The following MAML1 variants were observed in gnomAD, a reference collection of about 807,000 sequenced individuals.
MAML1 encodes the protein mastermind-like protein 1.
MAML1 carries 14 observed loss-of-function variants against 77.1 expected under a neutral mutation model. The observed-to-expected ratio is 0.18, with a 90% CI of 0.12 to 0.28. The LOEUF (loss-of-function observed/expected upper bound fraction) is 0.28. Among genes scored for constraint, MAML1 ranks in the 10% least tolerant of loss-of-function variants. The probability of loss-of-function intolerance (pLI) is 1.00; values close to 1 mark genes in which losing one functional copy is unlikely to be tolerated. For missense variants in MAML1, 1,217 were observed against 1,327.8 expected (o/e 0.92, Z 1.30); for synonymous variants, 516 against 551.9 (o/e 0.93, Z 0.91).
chr5:179,772,719 G>A (rs973358239), intron 4 of MAML1, among the ~76,000 whole-genome samples: 2 of 152,040 alleles, frequency 1.3e-5, no homozygotes, highest in African/African-American at 4.8e-5. Flanking sequence ...TAGTATAAAT[G>A]GTGTGCCATA....
At chr5:179,740,254 A>G (rs72809783) in intron 1 of MAML1, among the ~76,000 whole-genome samples, 3,597 of 152,228 alleles carry the variant, frequency 0.024, 75 homozygotes, top group Non-Finnish European at 0.037. Context: ...AGGAAGCAGT[A>G]GCAGGATAGG....
Position 179,775,277 on chromosome 5 carries a change from T to C in MAML1, c.*400T>C. On this transcript the variant is annotated 3_prime_UTR_variant, in exon 5 of 5. Transcript: ENST00000292599. Reference sequence around the variant, plus strand: ...TACCCCAGTGCTGGGGACAAGTTTCTGTTGAAACTTTAGATAGCAGAATTA... The same window carrying C: ...TACCCCAGTGCTGGGGACAAGTTTCCGTTGAAACTTTAGATAGCAGAATTA... The C allele has an allele frequency of 1.0e-6, 1 of 1,000,164 alleles. No individual in the cohort carries two copies. The highest frequency in any genetic ancestry group is 1.2e-6 in the Non-Finnish European group (1 of 840,180). 62.0% of individuals were successfully genotyped at this position (1,000,164 alleles called of 1,614,324 possible).
chr5:179,751,998 T>G (rs999012532), intron 1 of MAML1, among the ~76,000 whole-genome samples: 14 of 147,864 alleles, frequency 9.5e-5, no homozygotes, highest in Non-Finnish European at 1.3e-4. Context: ...AGTGAGACCT[T>G]GTCTCAAAGA....
rs1192714420 is a variant in MAML1 at position 179,769,986 on chromosome 5, C to A, written c.1971+897C>A. 1.3e-5 allele frequency among the ~76,000 whole-genome samples: 2 copies of A among 152,336 alleles called. No individual in the cohort carries two copies. The highest frequency in any genetic ancestry group is 6.5e-5 in the Admixed American group (1 of 15,300). On this transcript the variant is annotated intron_variant, in intron 3 of 4. Coordinates refer to ENST00000292599, the MANE Select transcript of MAML1 (RefSeq NM_014757.5). This position sits in a 1 kb window ranked among gnomAD's most constrained non-coding sequence, Gnocchi z 4.2. Reference sequence around the variant, plus strand: ...ACTCACACAGCATACACTTCACCCACGTAAGTGAACAATTTAGTCATTTTT... The same window carrying A: ...ACTCACACAGCATACACTTCACCCAAGTAAGTGAACAATTTAGTCATTTTT...
In MAML1 at chr5:179,766,086, C is replaced by G. The variant is rs866033737; in HGVS notation, c.1076C>G (p.Pro359Arg). 1.3e-6 allele frequency: 2 copies of G among 1,584,010 alleles called. No individual in the cohort carries two copies. The highest frequency in any genetic ancestry group is 3.6e-5 in the Admixed American group (2 of 55,004). Residue 359 changes from proline (P) to arginine (R), a missense_variant, in exon 2 of 5, where the codon CCC becomes CGC. Transcript: ENST00000292599. This position sits in a 1 kb window ranked among gnomAD's most constrained non-coding sequence, Gnocchi z 4.0. ...HTSGQPRADN[P>R]SPNLMPASAQ... ...TCTGGTCAGCCCCGGGCGGACAATCCCAGTCCAAACCTGATGCCGGCATCA... is the reference window on the plus strand; with the variant it reads ...TCTGGTCAGCCCCGGGCGGACAATCGCAGTCCAAACCTGATGCCGGCATCA...
intron 1 of MAML1, among the ~76,000 whole-genome samples, chr5:179,754,970 C>T (rs1779582511): frequency 1.3e-5 from 2 of 152,152 alleles, no homozygotes; most frequent in South Asian, 2.1e-4. Flanking sequence ...AGAAGTGCTT[C>T]CCTCTTACAG....
rs762334600 is a variant in MAML1 at position 179,766,213 on chromosome 5, G to A, written c.1203G>A (p.Gln401=). Residue 401 remains glutamine (Q), a synonymous_variant, in exon 2 of 5, where the codon CAG becomes CAA. Transcript: ENST00000292599. This position sits in a 1 kb window ranked among gnomAD's most constrained non-coding sequence, Gnocchi z 4.0. ...SELSSAHQLQ[Q]IAAKQKREQM... ...TGTCCTCTGCCCACCAGCTCCAGCA[G>A]ATCGCTGCCAAGCAGAAGCGCGAGC... 1 of 1,612,698 alleles carries A rather than the reference G, an allele frequency of 6.2e-7. No homozygotes were observed.
Position 179,766,798 on chromosome 5 carries a change from T to C in MAML1, c.1731+57T>C. 7.1e-7 allele frequency: 1 copy of C among 1,402,028 alleles called. No homozygotes were observed. Among genetic ancestry groups the C allele is most frequent in the Non-Finnish European group, 9.6e-7 (1 of 1,045,176 alleles). 86.8% of individuals were successfully genotyped at this position (1,402,028 alleles called of 1,614,324 possible). On this transcript the variant is annotated intron_variant, in intron 2 of 4. Coordinates refer to ENST00000292599, the MANE Select transcript of MAML1 (RefSeq NM_014757.5). This position sits in a 1 kb window ranked among gnomAD's most constrained non-coding sequence, Gnocchi z 4.0. Reference sequence around the variant, plus strand: ...GCTGCAGACACTTCAGTGAGGTTACTCACTACTTTGGATGTTAATTGGATC... The same window carrying C: ...GCTGCAGACACTTCAGTGAGGTTACCCACTACTTTGGATGTTAATTGGATC...
At chr5:179,749,317 G>GA (rs1350076246) in intron 1 of MAML1, among the ~76,000 whole-genome samples, 3 of 152,178 alleles carry the variant, frequency 2.0e-5, no homozygotes, top group Non-Finnish European at 4.4e-5. Flanking sequence ...GTAGAGACAG[G>GA]ATTTCTCCAC....
At chr5:179,760,451 G>A (rs534089072) in intron 1 of MAML1, among the ~76,000 whole-genome samples, 1 of 152,314 alleles carries the variant, frequency 6.6e-6, no homozygotes, top group Non-Finnish European at 1.5e-5. Flanking sequence ...GCAGCACTGA[G>A]CAGGCACATT....
chr5:179,733,476 C>G (rs1779109699), intron 1 of MAML1, 49 bp downstream of exon 1: 1 of 1,082,266 alleles, frequency 9.2e-7, no homozygotes, highest in African/African-American at 1.7e-5. Context: ...CCCCCTCTCC[C>G]GAAAACGCTT....
chr5:179,766,487 C>G lies in MAML1; in HGVS notation c.1477C>G (p.Gln493Glu). 2.5e-6 allele frequency: 4 copies of G among 1,608,032 alleles called. No homozygotes were observed. The highest frequency in any genetic ancestry group is 2.5e-6 in the Non-Finnish European group (3 of 1,177,274). Residue 493 changes from glutamine to glutamate, a missense_variant, in exon 2 of 5, where the codon CAG (glutamine) becomes GAG (glutamate). Transcript: ENST00000292599. This position sits in a 1 kb window ranked among gnomAD's most constrained non-coding sequence, Gnocchi z 4.0. ...CAGCCATGTGAACCTGCTGAGTCAC[C>G]AGCCACCGAGTAACTTGAATCAGAA... ...QPSHVNLLSH[Q>E]PPSNLNQNSA...
intron 4 of MAML1, chr5:179,773,642 T>A (rs1756056322): frequency 1.4e-6 from 1 of 707,478 alleles, no homozygotes; most frequent in Non-Finnish European, 1.7e-6. Context: ...GGTGGGTGCT[T>A]GAAAGTTAGA....
chr5:179,765,295 A>G, intron 1 of MAML1, 31 bp from the exon 2 acceptor site: 2 of 1,500,280 alleles, frequency 1.3e-6, no homozygotes, highest in Non-Finnish European at 1.8e-6. Context: ...ATTCATATGT[A>G]TCTTAAGTCA....
At position 179,766,089 on chromosome 5, in the gene MAML1, G is replaced by A; in HGVS notation, c.1079G>A (p.Ser360Asn). Residue 360 changes from serine to asparagine, a missense_variant, in exon 2 of 5, where the codon AGT becomes AAT. Physicochemically the swap from Ser to Asn is conservative, Grantham distance 46 (BLOSUM62 1). Around this residue, in one of 3 missense-constraint regions of MAML1, gnomAD observed 884 missense variants for 949.3 expected, o/e 0.93. Transcript: ENST00000292599. The surrounding 1 kb of genome is among the most constrained non-coding windows in gnomAD (Gnocchi z 4.0). ...TSGQPRADNP[S>N]PNLMPASAQA... ...GGTCAGCCCCGGGCGGACAATCCCA[G>A]TCCAAACCTGATGCCGGCATCAGCC... 6.3e-7 allele frequency: 1 copy of A among 1,583,628 alleles called. No individual in the cohort carries two copies. Among genetic ancestry groups the A allele is most frequent in the South Asian group, 1.2e-5 (1 of 86,386 alleles).
chr5:179,744,623 G>A (rs1779346218), intron 1 of MAML1, among the ~76,000 whole-genome samples: 1 of 149,744 alleles, frequency 6.7e-6, no homozygotes, highest in South Asian at 2.1e-4. Context: ...TGCAACCTCC[G>A]CCTCCCGGGT....
intron 1 of MAML1, among the ~76,000 whole-genome samples, chr5:179,754,981 AAGAG>A (rs1234961442): frequency 2.0e-5 from 3 of 152,184 alleles, no homozygotes; most frequent in African/African-American, 2.4e-5. Context: ...CCTCTTACAG[AAGAG>A]AGAAAGAAAA....
intron 1 of MAML1, among the ~76,000 whole-genome samples, chr5:179,739,797 A>T (rs1439582906): frequency 6.6e-6 from 1 of 152,232 alleles, no homozygotes; most frequent in Non-Finnish European, 1.5e-5. Context: ...TGTATATATT[A>T]TTGCAAATAC....
rs1306422999 is a variant in MAML1 at position 179,766,063 on chromosome 5, T to C, written c.1053T>C (p.Ser351=). 8 of 1,589,228 alleles carry C rather than the reference T, an allele frequency of 5.0e-6. No homozygotes were observed. The highest frequency in any genetic ancestry group is 3.6e-5 in the Admixed American group (2 of 55,762). Residue 351 remains serine, a synonymous_variant, in exon 2 of 5, where the codon TCT becomes TCC. Transcript: ENST00000292599. This position sits in a 1 kb window ranked among gnomAD's most constrained non-coding sequence, Gnocchi z 4.0. ...LGGSQTLFHT[S]GQPRADNPSP... The stretch of plus-strand genomic sequence containing the variant: ...GCTCCCAAACCTTATTCCACACCTC[T>C]GGTCAGCCCCGGGCGGACAATCCCA...
Sources: allele counts gnomAD v4.1 joint callset (sites outside exome capture counted in the v4.1 genomes callset), GRCh38; gene constraint gnomAD v4.1.1; regional missense constraint gnomAD v4.1.1; non-coding constraint Gnocchi (gnomAD v3.1); transcripts MANE v1.5; gene names NCBI Gene and HGNC (gene_info 2026-07-23, HGNC 2026-07-21).